Variants in TLN2 observed in about 807,000 individuals in gnomAD.
TLN2 encodes talin-2.
TLN2 carries 118 observed loss-of-function variants against 294.7 expected under a neutral mutation model. The ratio of observed to expected loss-of-function variants is 0.40; its 90% confidence interval spans 0.34 to 0.47. The LOEUF (loss-of-function observed/expected upper bound fraction) is 0.47. TLN2 is among the 20% of genes least tolerant of loss of function. The probability of loss-of-function intolerance (pLI) is 0.84; values close to 1 mark genes in which losing one functional copy is unlikely to be tolerated. For missense variants in TLN2, 3,083 were observed against 3,282.2 expected, an observed-to-expected ratio of 0.94 and a Z score of 1.48; for synonymous variants, 1,431 against 1,304.5, an observed-to-expected ratio of 1.10 and a Z score of -2.09.
At chr15:62,570,485 G>A (rs892584886) in intron 1 of TLN2, among the ~76,000 whole-genome samples, 4 of 152,218 alleles carry the variant, frequency 2.6e-5, no homozygotes, top group Non-Finnish European at 5.9e-5. Context: ...AATAAAGGAT[G>A]TTTGGAAGGC....
chr15:62,838,405 G>A (rs1018158297), intron 57 of TLN2, among the ~76,000 whole-genome samples: 1 of 152,202 alleles, frequency 6.6e-6, no homozygotes, highest in Admixed American at 6.5e-5. Flanking sequence ...GGCACACAGA[G>A]GGAGAGGGTA....
chr15:62,570,950 G>A (rs1302008505), intron 1 of TLN2, among the ~76,000 whole-genome samples: 3 of 146,984 alleles, frequency 2.0e-5, no homozygotes, highest in Admixed American at 2.0e-4. Context: ...TGTGTAGGGA[G>A]GAGTGGCAGT....
intron 14 of TLN2, among the ~76,000 whole-genome samples, chr15:62,694,659 C>T (rs2058195579): frequency 6.6e-6 from 1 of 152,140 alleles, no homozygotes; most frequent in Non-Finnish European, 1.5e-5. Context: ...GTTCATGAGT[C>T]CTGTTCTGCA....
At chr15:62,740,595 G>A (rs888012209) in intron 31 of TLN2, 35 bp from the exon 32 acceptor site, 9 of 1,613,112 alleles carry the variant, frequency 5.6e-6, no homozygotes, top group Non-Finnish European at 7.6e-6. Context: ...GAAATGGACA[G>A]GCCCTAATAG....
chr15:62,464,551 A>G lies in TLN2; in HGVS notation c.-238+73866A>G, dbSNP rs139354550. On this transcript the variant is annotated intron_variant, in intron 1 of 58. Transcript: ENST00000636159. ...TCAAACCTGCAGATTGTGCACATGT[A>G]CCCTAGAACTTAAAGTATATTTAAA... Among the ~76,000 whole-genome samples, 1,474 of 151,442 alleles carry G rather than the reference A, an allele frequency of 9.7e-3. 29 individuals carry two copies. The highest frequency in any genetic ancestry group is 0.033 in the African/African-American group (1,354 of 41,220).
chr15:62,398,461 G>A (rs2032743748), intron 1 of TLN2, among the ~76,000 whole-genome samples: 1 of 152,178 alleles, frequency 6.6e-6, no homozygotes, highest in Non-Finnish European at 1.5e-5. Context: ...CTGCTATAAA[G>A]ATACCTAAAA....
chr15:62,802,221 T>C (rs2065976036), intron 50 of TLN2, among the ~76,000 whole-genome samples: 1 of 152,128 alleles, frequency 6.6e-6, no homozygotes, highest in Admixed American at 6.5e-5. Flanking sequence ...ATGCAAAGTG[T>C]GTCTTTCTGT....
intron 1 of TLN2, among the ~76,000 whole-genome samples, chr15:62,519,059 G>A (rs1022634157): frequency 6.6e-6 from 1 of 152,132 alleles, no homozygotes; most frequent in Non-Finnish European, 1.5e-5. Context: ...TTATTTTATG[G>A]ATAAAGAAAC....
Position 62,540,216 on chromosome 15 carries a change from T to C in TLN2, c.-237-49471T>C, listed in dbSNP as rs891747908. Among the ~76,000 whole-genome samples, 3 of 152,074 alleles carry C rather than the reference T, an allele frequency of 2.0e-5. No homozygotes were observed. In the South Asian group the frequency reaches 6.2e-4, roughly 32 times the overall value. ...ATTAGCTGGGCATGGTGATGGGTCC[T>C]GTAATCCCAGCTACTTGGGAGGCTG... is the stretch of plus-strand genomic sequence containing the variant. On this transcript the variant is annotated intron_variant, in intron 1 of 58. Coordinates refer to ENST00000636159, the MANE Select transcript of TLN2 (RefSeq NM_015059.3).
At chr15:62,781,753 A>G (rs960864666) in intron 44 of TLN2, among the ~76,000 whole-genome samples, 1 of 151,054 alleles carries the variant, frequency 6.6e-6, no homozygotes, top group African/African-American at 2.4e-5. Flanking sequence ...ATGTAATAAG[A>G]AAAAAAAAAT....
At chr15:62,665,161 CA>C (rs1023456746) in intron 9 of TLN2, among the ~76,000 whole-genome samples, 1 of 152,068 alleles carries the variant, frequency 6.6e-6, no homozygotes, top group African/African-American at 2.4e-5. Context: ...CTCTCTGGTG[CA>C]AGCAGTCCCC....
chr15:62,714,099 G>A (rs922828773), intron 22 of TLN2, among the ~76,000 whole-genome samples: 4 of 149,656 alleles, frequency 2.7e-5, no homozygotes, highest in South Asian at 2.1e-4. Context: ...AATCTAGTCC[G>A]TTCCTTATTT....
chr15:62,565,375 A>G (rs536233528), intron 1 of TLN2, among the ~76,000 whole-genome samples: 52 of 152,350 alleles, frequency 3.4e-4, no homozygotes, highest in African/African-American at 1.2e-3. Flanking sequence ...CTGACAGATG[A>G]TATTTCTAAA....
chr15:62,652,431 G>T (rs2052694980), intron 6 of TLN2, among the ~76,000 whole-genome samples: 1 of 152,110 alleles, frequency 6.6e-6, no homozygotes, highest in Non-Finnish European at 1.5e-5. Flanking sequence ...TATTCTATAT[G>T]AGCACTCTAG....
chr15:62,609,146 A>C (rs745520124), intron 2 of TLN2, among the ~76,000 whole-genome samples: 1 of 152,140 alleles, frequency 6.6e-6, no homozygotes, highest in East Asian at 1.9e-4. Flanking sequence ...TCTATGTTAC[A>C]CAGCCTTAAA....
chr15:62,558,183 A>G (rs2042711029), intron 1 of TLN2, among the ~76,000 whole-genome samples: 1 of 152,198 alleles, frequency 6.6e-6, no homozygotes, highest in South Asian at 2.1e-4. Flanking sequence ...ATAACTGTGG[A>G]CATTTTGTAT....
chr15:62,589,620 A>G (rs1403220222), intron 1 of TLN2, 67 bp from the exon 2 acceptor site: 1 of 152,140 alleles, frequency 6.6e-6, no homozygotes, highest in Non-Finnish European at 1.5e-5. Context: ...GAAATGACCA[A>G]ATGTATAGAT....
chr15:62,410,548 G>C (rs1169149085), intron 1 of TLN2, among the ~76,000 whole-genome samples: 1 of 152,220 alleles, frequency 6.6e-6, no homozygotes, highest in South Asian at 2.1e-4. Flanking sequence ...TGTGAAGCAT[G>C]TATTCCCTCA....
intron 53 of TLN2, 143 bp downstream of exon 53, chr15:62,819,764 C>T: frequency 1.5e-6 from 1 of 657,348 alleles, no homozygotes; most frequent in Non-Finnish European, 2.6e-6. Context: ...TTTCTGCAAG[C>T]AAATGGGTTT....
Sources: allele counts gnomAD v4.1 joint callset (sites outside exome capture counted in the v4.1 genomes callset), GRCh38; gene constraint gnomAD v4.1.1; transcripts MANE v1.5; gene names NCBI Gene and HGNC (gene_info 2026-07-23, HGNC 2026-07-21).